Variants in IMMP1L observed in about 807,000 individuals in gnomAD.
IMMP1L encodes inner mitochondrial membrane peptidase subunit 1.
IMMP1L carries 24 observed loss-of-function variants against 21.8 expected under a neutral mutation model. That is an observed-to-expected ratio of 1.10 (90% CI 0.80 to 1.55). The LOEUF is 1.55. Ranked by LOEUF, IMMP1L falls within the 40% of genes most tolerant of loss-of-function variation. IMMP1L has a pLI of 0.00. For missense variants in IMMP1L, 195 were observed against 200.7 expected, an observed-to-expected ratio of 0.97 and a Z score of 0.17; for synonymous variants, 46 against 62.8, an observed-to-expected ratio of 0.73 and a Z score of 1.26.
intron 1 of IMMP1L, among the ~76,000 whole-genome samples, chr11:31,495,655 A>G (rs1392395940): frequency 6.6e-6 from 1 of 152,246 alleles, no homozygotes; most frequent in Non-Finnish European, 1.5e-5. Flanking sequence ...AAAACGTGGT[A>G]CTGGCATAAT....
At chr11:31,453,982 G>A (rs2133619078) in intron 4 of IMMP1L, among the ~76,000 whole-genome samples, 1 of 152,068 alleles carries the variant, frequency 6.6e-6, no homozygotes, top group East Asian at 1.9e-4. Flanking sequence ...TTCGAAATTG[G>A]GCAATTTATT....
chr11:31,448,605 G>C (rs1365124931), intron 4 of IMMP1L, among the ~76,000 whole-genome samples: 1 of 152,154 alleles, frequency 6.6e-6, no homozygotes, highest in South Asian at 2.1e-4. Context: ...CTTTTGAGTG[G>C]TTAAAATATT....
intron 1 of IMMP1L, among the ~76,000 whole-genome samples, 155 bp from the exon 2 acceptor site, chr11:31,463,460 A>G (rs961790105): frequency 2.0e-5 from 3 of 152,224 alleles, no homozygotes; most frequent in African/African-American, 7.2e-5. Context: ...TTCTAATGAT[A>G]TTTTAAATGG....
intron 5 of IMMP1L, among the ~76,000 whole-genome samples, chr11:31,433,183 G>A (rs1353136869): frequency 6.6e-6 from 1 of 152,172 alleles, no homozygotes; most frequent in Non-Finnish European, 1.5e-5. Flanking sequence ...ATGGTTTTAA[G>A]AGTTGTACAA....
intron 1 of IMMP1L, among the ~76,000 whole-genome samples, chr11:31,470,748 A>G (rs1310932933): frequency 6.6e-6 from 1 of 152,252 alleles, no homozygotes; most frequent in African/African-American, 2.4e-5. Flanking sequence ...ATGAATGAAT[A>G]AAGAAAATGT....
At chr11:31,500,160 A>G (rs764536605) in intron 1 of IMMP1L, among the ~76,000 whole-genome samples, 1 of 151,942 alleles carries the variant, frequency 6.6e-6, no homozygotes, top group Non-Finnish European at 1.5e-5. Flanking sequence ...AAAATTGGTC[A>G]GTCTTTTTTT....
intron 3 of IMMP1L, among the ~76,000 whole-genome samples, chr11:31,457,517 C>T (rs979327838): frequency 6.6e-6 from 1 of 151,890 alleles, no homozygotes; most frequent in Non-Finnish European, 1.5e-5. Flanking sequence ...AAGCATATGT[C>T]AAAATAATAT....
At chr11:31,475,833 G>GA (rs1954709384) in intron 1 of IMMP1L, among the ~76,000 whole-genome samples, 2 of 152,142 alleles carry the variant, frequency 1.3e-5, no homozygotes, top group East Asian at 3.9e-4. Context: ...ACGTTCTAAA[G>GA]AAAATAACCA....
intron 4 of IMMP1L, among the ~76,000 whole-genome samples, chr11:31,443,725 T>C (rs1388695300): frequency 6.6e-6 from 1 of 152,216 alleles, no homozygotes; most frequent in South Asian, 2.1e-4. Flanking sequence ...AAATTCAGCC[T>C]CATTGCTGTC....
Position 31,468,401 on chromosome 11 carries a change from A to G in IMMP1L, c.-29-5096T>C, listed in dbSNP as rs995306889. Among the ~76,000 whole-genome samples the G allele has an allele frequency of 2.0e-5, 3 of 152,178 alleles. No individual in the cohort carries two copies. The East Asian group carries it at 5.8e-4, about 29-fold the overall frequency. Reference sequence around the variant, plus strand: ...TGAAGACAAATTGATACACACATATATATACACACATACGGATATATTACA... The same window carrying G: ...TGAAGACAAATTGATACACACATATGTATACACACATACGGATATATTACA... On this transcript the variant is annotated intron_variant, in intron 1 of 5. Coordinates refer to ENST00000532287, the MANE Select transcript of IMMP1L (RefSeq NM_001304274.2).
At chr11:31,481,272 A>T (rs1954883724) in intron 1 of IMMP1L, among the ~76,000 whole-genome samples, 1 of 152,174 alleles carries the variant, frequency 6.6e-6, no homozygotes, top group Non-Finnish European at 1.5e-5. Flanking sequence ...TGCTCCACTC[A>T]TAAATAATAT....
At chr11:31,491,956 G>T (rs1315005815) in intron 1 of IMMP1L, among the ~76,000 whole-genome samples, 5 of 152,144 alleles carry the variant, frequency 3.3e-5, no homozygotes, top group African/African-American at 9.7e-5. Context: ...TAAAGAACAG[G>T]CAGAGTAGCT....
At chr11:31,452,528 C>T in intron 4 of IMMP1L, 3 of 985,274 alleles carry the variant, frequency 3.0e-6, no homozygotes, top group Non-Finnish European at 3.6e-6. Context: ...ATTATTTTTT[C>T]TGATAAAGCA....
chr11:31,446,528 C>T (rs763416040), intron 4 of IMMP1L, among the ~76,000 whole-genome samples: 10 of 152,154 alleles, frequency 6.6e-5, no homozygotes, highest in Non-Finnish European at 1.3e-4. Flanking sequence ...TCAAGCCATC[C>T]TCCCACGTAA....
intron 1 of IMMP1L, among the ~76,000 whole-genome samples, chr11:31,490,228 C>G (rs1282294212): frequency 4.6e-5 from 7 of 152,178 alleles, no homozygotes; most frequent in Admixed American, 4.6e-4. Flanking sequence ...AATCCCAGCA[C>G]TTTGGGAGGC....
intron 3 of IMMP1L, among the ~76,000 whole-genome samples, chr11:31,456,798 T>G (rs967672516): frequency 6.9e-6 from 1 of 145,012 alleles, no homozygotes; most frequent in African/African-American, 2.6e-5. Context: ...GGCAAGAGGA[T>G]TGCTTGAAGC....
At chr11:31,501,719 C>T (rs768898626) in intron 1 of IMMP1L, among the ~76,000 whole-genome samples, 68 of 151,648 alleles carry the variant, frequency 4.5e-4, no homozygotes, top group African/African-American at 1.6e-3. Context: ...TTTGGGAGGC[C>T]GAGGCAGGTG....
At chr11:31,452,898 C>T (rs1953804713) in intron 4 of IMMP1L, 2 of 581,508 alleles carry the variant, frequency 3.4e-6, no homozygotes, top group Middle Eastern at 7.1e-4. Flanking sequence ...TGACAGGCGC[C>T]TGCCACCACG....
chr11:31,436,510 G>A (rs1198037874), intron 4 of IMMP1L, among the ~76,000 whole-genome samples: 1 of 151,898 alleles, frequency 6.6e-6, no homozygotes, highest in Non-Finnish European at 1.5e-5. Flanking sequence ...TCGGCTCACT[G>A]CAACCTCCAC....
Sources: allele counts gnomAD v4.1 joint callset (sites outside exome capture counted in the v4.1 genomes callset), GRCh38; gene constraint gnomAD v4.1.1; transcripts MANE v1.5; gene names NCBI Gene and HGNC (gene_info 2026-07-23, HGNC 2026-07-21).